INO80C: variants seen among roughly 807,000 people sequenced by gnomAD.
INO80C encodes IES6 homolog.
In INO80C, 17 loss-of-function variants were observed where a neutral mutation model predicts 17.7. That is an observed-to-expected ratio of 0.96 (90% CI 0.66 to 1.44). The LOEUF (loss-of-function observed/expected upper bound fraction) is 1.44, where lower values mean the gene tolerates loss of function less well. INO80C is among the 40% of genes most tolerant of loss of function. INO80C has a pLI of 0.00. For missense variants in INO80C, 244 were observed against 245.0 expected, an observed-to-expected ratio of 1.00 and a Z score of 0.03; for synonymous variants, 96 against 95.8, an observed-to-expected ratio of 1.00 and a Z score of -0.01.
rs1444160077 is a variant in INO80C, at chr18:35,497,850, C to T, written c.25G>A (p.Ala9Thr). ...ACTATTCCGGGAGTGGAAGTGGTGGCCACAATTGGAATTTGCGCCGCCATC... is the reference window on the plus strand; with the variant it reads ...ACTATTCCGGGAGTGGAAGTGGTGGTCACAATTGGAATTTGCGCCGCCATC... MAAQIPIV[A>T]TTSTPGIVRN... Residue 9 changes from alanine to threonine, a missense_variant, in exon 1 of 5, where the codon GCC becomes ACC. Ala to Thr is a moderately conservative substitution (Grantham distance 58, BLOSUM62 0). Transcript: ENST00000334598. 1 of 1,590,220 alleles carries T rather than the reference C, an allele frequency of 6.3e-7. No homozygotes were observed. The highest frequency in any genetic ancestry group is 8.6e-7 in the Non-Finnish European group (1 of 1,166,652).
chr18:35,473,572 A>T (rs1303994849), intron 4 of INO80C, among the ~76,000 whole-genome samples: 1 of 152,170 alleles, frequency 6.6e-6, no homozygotes, highest in East Asian at 1.9e-4. Context: ...TGTTCAAGGC[A>T]AGACTATATA....
intron 1 of INO80C, among the ~76,000 whole-genome samples, chr18:35,486,901 A>T (rs943321809): frequency 1.3e-5 from 2 of 152,066 alleles, no homozygotes; most frequent in African/African-American, 4.8e-5. Context: ...AGGAATGAAG[A>T]TTCAAATTAG....
intron 1 of INO80C, among the ~76,000 whole-genome samples, chr18:35,482,773 TC>T (rs1323560424): frequency 6.6e-6 from 1 of 151,590 alleles, no homozygotes; most frequent in African/African-American, 2.4e-5. Flanking sequence ...CACCCCACTC[TC>T]CCTTCCTCCC....
intron 1 of INO80C, among the ~76,000 whole-genome samples, chr18:35,495,900 A>G (rs1404371710): frequency 1.3e-5 from 2 of 152,250 alleles, no homozygotes; most frequent in Non-Finnish European, 2.9e-5. Context: ...CAAGCTCATG[A>G]AAAGTGATTG....
intron 1 of INO80C, among the ~76,000 whole-genome samples, chr18:35,483,085 C>T (rs1272296248): frequency 6.6e-6 from 1 of 152,198 alleles, no homozygotes; most frequent in African/African-American, 2.4e-5. Context: ...AAAGAGTCTC[C>T]AATTTTTCCA....
At position 35,468,494 on chromosome 18, in the gene INO80C, G is replaced by A; in HGVS notation, c.*117C>T. ...AATTAAAGCCAAACATTCTTTCCAA[G>A]GCACAGCACTGGCATTTTCAGATTG... On this transcript the variant is annotated 3_prime_UTR_variant, in exon 5 of 5. Transcript: ENST00000334598. The A allele has an allele frequency of 6.6e-7, 1 of 1,522,696 alleles. No homozygotes were observed. Among genetic ancestry groups the A allele is most frequent in the South Asian group, 1.3e-5 (1 of 77,056 alleles). 94.3% of individuals were successfully genotyped at this position (1,522,696 alleles called of 1,614,324 possible).
intron 1 of INO80C, among the ~76,000 whole-genome samples, chr18:35,481,896 GAA>G (rs991852603): frequency 2.6e-5 from 4 of 152,104 alleles, no homozygotes; most frequent in Non-Finnish European, 5.9e-5. Flanking sequence ...CAAAAACAAA[GAA>G]AAGTTTCTGA....
chr18:35,476,336 T>C (rs2045735698), intron 4 of INO80C, among the ~76,000 whole-genome samples: 1 of 152,166 alleles, frequency 6.6e-6, no homozygotes, highest in Non-Finnish European at 1.5e-5. Context: ...CTAAATTTGA[T>C]ATAGTTTTAG....
chr18:35,487,218 A>G (rs1334749936), intron 1 of INO80C, among the ~76,000 whole-genome samples: 2 of 152,212 alleles, frequency 1.3e-5, no homozygotes, highest in Non-Finnish European at 1.5e-5. Context: ...ACTCAAATCT[A>G]ACCATGAGGA....
chr18:35,487,515 CTGAG>C, intron 1 of INO80C: 1 of 212,706 alleles, frequency 4.7e-6, no homozygotes, highest in South Asian at 4.5e-5. Flanking sequence ...ATCAGATTTC[CTGAG>C]AGTTATTCAC....
intron 4 of INO80C, among the ~76,000 whole-genome samples, chr18:35,474,221 A>ATG (rs2045705993): frequency 8.1e-6 from 1 of 123,738 alleles, no homozygotes. Flanking sequence ...ATATATATAT[A>ATG]TATATATATA....
At chr18:35,474,516 C>T (rs2045711567) in intron 4 of INO80C, among the ~76,000 whole-genome samples, 1 of 151,106 alleles carries the variant, frequency 6.6e-6, no homozygotes, top group South Asian at 2.1e-4. Context: ...AGTAAGACCC[C>T]TTCTCTATAA....
At position 35,494,790 on chromosome 18, in the gene INO80C, G is replaced by A. The variant is rs1311394606; in HGVS notation, c.156+2929C>T. 3.9e-5 allele frequency among the ~76,000 whole-genome samples: 6 copies of A among 152,206 alleles called. No homozygotes were observed. In the East Asian group the frequency reaches 1.2e-3, roughly 29 times the overall value. On this transcript the variant is annotated intron_variant, in intron 1 of 4. Coordinates refer to ENST00000334598, the MANE Select transcript of INO80C (RefSeq NM_194281.4). Reference sequence around the variant, plus strand: ...TACAGAACCATGAGCTACTAAATGAGTGTTATTTAAGCCACTAAATTTGTG... The same window carrying A: ...TACAGAACCATGAGCTACTAAATGAATGTTATTTAAGCCACTAAATTTGTG...
In INO80C at chr18:35,478,639, G is replaced by C. The variant is rs994203045; in HGVS notation, c.380-290C>G. Among the ~76,000 whole-genome samples the C allele has an allele frequency of 1.1e-4, 17 of 152,062 alleles. 1 individual carries two copies. The highest frequency in any genetic ancestry group is 2.1e-4 in the South Asian group (1 of 4,824). On this transcript the variant is annotated intron_variant, in intron 3 of 4. Coordinates refer to ENST00000334598, the MANE Select transcript of INO80C (RefSeq NM_194281.4). The stretch of plus-strand genomic sequence containing the variant: ...TCATCTGCCCACCAGCTATTTTCAC[G>C]ATCTCACACTACATGGGCTGATGGT...
At chr18:35,473,854 G>C (rs2045699292) in intron 4 of INO80C, among the ~76,000 whole-genome samples, 1 of 152,084 alleles carries the variant, frequency 6.6e-6, no homozygotes, top group African/African-American at 2.4e-5. Context: ...CTAAGTTAAA[G>C]GAGCTTGGGA....
chr18:35,482,280 TAC>T (rs758619660), intron 1 of INO80C, among the ~76,000 whole-genome samples: 1 of 152,370 alleles, frequency 6.6e-6, no homozygotes, highest in Non-Finnish European at 1.5e-5. Flanking sequence ...ACAGCTTATC[TAC>T]TCTCAGCTGG....
At position 35,471,546 on chromosome 18, in the gene INO80C, C is replaced by T. The variant is rs139759650; in HGVS notation, c.448-2804G>A. ...CCTTGATGTTGCTTCCAGCATTTTG[C>T]GAATGCGGTCTCTCATAAGCATTTC... On this transcript the variant is annotated intron_variant, in intron 4 of 4. Coordinates refer to ENST00000334598, the MANE Select transcript of INO80C (RefSeq NM_194281.4). 4.6e-5 allele frequency among the ~76,000 whole-genome samples: 7 copies of T among 152,052 alleles called. No homozygotes were observed. The East Asian group carries it at 1.2e-3, about 25-fold the overall frequency.
chr18:35,475,230 A>T (rs939920993), intron 4 of INO80C, among the ~76,000 whole-genome samples: 1 of 152,228 alleles, frequency 6.6e-6, no homozygotes, highest in Non-Finnish European at 1.5e-5. Context: ...CAAAGGTAAG[A>T]ATTATATCAA....
In INO80C at chr18:35,494,595, G is replaced by A. The variant is rs561410446; in HGVS notation, c.156+3124C>T. Among the ~76,000 whole-genome samples, 110 of 152,266 alleles carry A rather than the reference G, an allele frequency of 7.2e-4. 1 individual carries two copies. The highest frequency in any genetic ancestry group is 3.5e-3 in the Admixed American group (53 of 15,296). ...CAGCCAGCAAGAAGACAGGGGCCCT[G>A]CAGTCCTGCCGCCCCAAAAGAACAG... On this transcript the variant is annotated intron_variant, in intron 1 of 4. Coordinates refer to ENST00000334598, the MANE Select transcript of INO80C (RefSeq NM_194281.4).
Sources: gnomAD v4.1 joint callset for allele counts (sites outside exome capture counted in the v4.1 genomes callset) on GRCh38, gnomAD v4.1.1 for gene constraint, MANE v1.5 for transcripts, NCBI Gene and HGNC (gene_info 2026-07-23, HGNC 2026-07-21) for gene names.